The following CDKAL1 variants were observed in gnomAD, a reference collection of about 807,000 sequenced individuals.
CDKAL1 encodes the protein threonylcarbamoyladenosine tRNA methylthiotransferase.
CDKAL1 carries 32 observed loss-of-function variants against 68.2 expected under a neutral mutation model. The observed-to-expected ratio is 0.47, with a 90% confidence interval of 0.35 to 0.63. The LOEUF (loss-of-function observed/expected upper bound fraction) is 0.63, where lower values mean the gene tolerates loss of function less well. Among genes scored for constraint, CDKAL1 ranks in the 30% least tolerant of loss-of-function variants. The pLI is 0.00. For missense variants in CDKAL1, 606 were observed against 696.7 expected (o/e 0.87, Z 1.47); for synonymous variants, 234 against 244.3 (o/e 0.96, Z 0.39).
chr6:21,000,488 T>G, intron 11 of CDKAL1, 116 bp downstream of exon 11: 1 of 900,152 alleles, frequency 1.1e-6, no homozygotes, highest in South Asian at 1.8e-5. Context: ...GGCGAGACTT[T>G]CGAAGCTTTC....
At chr6:21,142,437 G>T (rs557499043) in intron 13 of CDKAL1, among the ~76,000 whole-genome samples, 1 of 152,292 alleles carries the variant, frequency 6.6e-6, no homozygotes, top group South Asian at 2.1e-4. Flanking sequence ...CATAACTAAG[G>T]CTAGCACCTA....
At chr6:20,556,854 G>A (rs186739017) in intron 4 of CDKAL1, among the ~76,000 whole-genome samples, 6 of 151,918 alleles carry the variant, frequency 3.9e-5, no homozygotes. Context: ...TGGCTAACAC[G>A]GTGAAATCCT....
intron 11 of CDKAL1, among the ~76,000 whole-genome samples, chr6:21,032,181 T>C (rs1769329130): frequency 6.6e-6 from 1 of 152,168 alleles, no homozygotes; most frequent in Non-Finnish European, 1.5e-5. Flanking sequence ...GTGGCTATTT[T>C]AGTTTCTCTA....
intron 15 of CDKAL1, among the ~76,000 whole-genome samples, chr6:21,205,626 G>T (rs959820289): frequency 5.9e-5 from 9 of 151,640 alleles, no homozygotes; most frequent in Non-Finnish European, 8.8e-5. Context: ...CGCCTCCTGG[G>T]TTCACGCCAT....
intron 13 of CDKAL1, among the ~76,000 whole-genome samples, chr6:21,117,635 C>G (rs116809523): frequency 0.011 from 1,605 of 152,122 alleles, 24 homozygotes; most frequent in African/African-American, 0.037. Flanking sequence ...AGACCCCTGT[C>G]TCAAAAAAAT....
chr6:20,873,158 G>T (rs940534609), intron 9 of CDKAL1, among the ~76,000 whole-genome samples: 70 of 152,266 alleles, frequency 4.6e-4, no homozygotes, highest in Admixed American at 2.7e-3. Flanking sequence ...GAGGGGACAT[G>T]AGGGGCAAGA....
At position 20,847,895 on chromosome 6, in the gene CDKAL1, A is replaced by T. The variant is rs1464123478; in HGVS notation, c.742+1717A>T. On this transcript the variant is annotated intron_variant, in intron 9 of 15. Transcript: ENST00000274695. ...TATTGAGAATGAAAATACACTCCAC[A>T]GTGTGGGAGCAGGTCTGAGCAGTGG... Among the ~76,000 whole-genome samples the T allele has an allele frequency of 4.6e-5, 7 of 152,334 alleles. No homozygotes were observed. In the East Asian group the frequency reaches 1.4e-3, roughly 29 times the overall value.
chr6:20,739,265 A>T (rs926674785), intron 5 of CDKAL1, among the ~76,000 whole-genome samples: 3 of 152,120 alleles, frequency 2.0e-5, no homozygotes, highest in African/African-American at 4.8e-5. Context: ...AAAATAATGA[A>T]TTTTTTTGTT....
intron 12 of CDKAL1, among the ~76,000 whole-genome samples, chr6:21,100,785 CT>C (rs1009741846): frequency 6.6e-6 from 1 of 151,990 alleles, no homozygotes; most frequent in Admixed American, 6.6e-5. Flanking sequence ...ATTCCAGGGA[CT>C]TTTTTTCCCT....
At chr6:20,551,345 CTT>C (rs1397823921) in intron 4 of CDKAL1, among the ~76,000 whole-genome samples, 2 of 151,654 alleles carry the variant, frequency 1.3e-5, no homozygotes, top group Non-Finnish European at 2.9e-5. Flanking sequence ...TTGTATCACC[CTT>C]TTTCCTTCAG....
rs149451221 is a variant in CDKAL1 at position 21,057,870 on chromosome 6, T to G, written c.1056-7178T>G. Among the ~76,000 whole-genome samples the G allele has an allele frequency of 9.4e-3, 1,434 of 152,348 alleles. 25 individuals carry two copies. The highest frequency in any genetic ancestry group is 0.033 in the African/African-American group (1,364 of 41,594). ...GTTCTAATTTGATTGTGCTGTGGTC[T>G]AAGAGACTGTTTGTTATGATTTCTG... On this transcript the variant is annotated intron_variant, in intron 11 of 15. Transcript: ENST00000274695.
At chr6:20,736,786 T>A (rs9295480) in intron 5 of CDKAL1, among the ~76,000 whole-genome samples, 58,464 of 150,264 alleles carry the variant, frequency 0.39, 11,872 homozygotes, top group East Asian at 0.68. Flanking sequence ...AAAAAAAAAA[T>A]TTCCTCCACA....
intron 5 of CDKAL1, among the ~76,000 whole-genome samples, chr6:20,684,006 T>G (rs567653956): frequency 6.6e-6 from 1 of 152,352 alleles, no homozygotes; most frequent in African/African-American, 2.4e-5. Flanking sequence ...AATATGCACT[T>G]AAGTTTCCTC....
chr6:20,971,886 A>G (rs949786381), intron 10 of CDKAL1, among the ~76,000 whole-genome samples: 6 of 152,242 alleles, frequency 3.9e-5, no homozygotes, highest in African/African-American at 1.2e-4. Flanking sequence ...TTTTAAACTC[A>G]TTTTACTTGA....
chr6:20,864,547 CTG>C (rs1451722644), intron 9 of CDKAL1, among the ~76,000 whole-genome samples: 2 of 152,120 alleles, frequency 1.3e-5, no homozygotes, highest in African/African-American at 4.8e-5. Context: ...TGATTTCTAA[CTG>C]TGACTGATAG....
chr6:20,721,939 G>A (rs1772395753), intron 5 of CDKAL1, among the ~76,000 whole-genome samples: 1 of 151,756 alleles, frequency 6.6e-6, no homozygotes, highest in Admixed American at 6.6e-5. Context: ...CACTATTTTG[G>A]CCAGACTGGT....
At chr6:20,778,991 A>C (rs552223822) in intron 7 of CDKAL1, among the ~76,000 whole-genome samples, 47 of 152,310 alleles carry the variant, frequency 3.1e-4, no homozygotes, top group Non-Finnish European at 5.4e-4. Context: ...AATCGTCATA[A>C]CATTCTACTG....
intron 4 of CDKAL1, among the ~76,000 whole-genome samples, chr6:20,587,235 C>T (rs1765408421): frequency 6.6e-6 from 1 of 152,114 alleles, no homozygotes; most frequent in East Asian, 1.9e-4. Flanking sequence ...GATCCACCTG[C>T]CGCAGCCTCC....
At chr6:20,902,019 G>T (rs1426182053) in intron 9 of CDKAL1, among the ~76,000 whole-genome samples, 1 of 152,034 alleles carries the variant, frequency 6.6e-6, no homozygotes, top group East Asian at 1.9e-4. Context: ...CAAGTGATCT[G>T]CCTGCCTCGG....
Sources: allele counts gnomAD v4.1 joint callset (sites outside exome capture counted in the v4.1 genomes callset), GRCh38; gene constraint gnomAD v4.1.1; transcripts MANE v1.5; gene names NCBI Gene and HGNC (gene_info 2026-07-23, HGNC 2026-07-21).